Variants in MYO1E observed in about 807,000 individuals in gnomAD.
The protein encoded by MYO1E is unconventional myosin-Ie.
In MYO1E, 68 loss-of-function variants were observed where a neutral mutation model predicts 151.1. That is an observed-to-expected ratio of 0.45 (90% confidence interval 0.37 to 0.55). MYO1E has a LOEUF of 0.55. Ranked by LOEUF, MYO1E falls within the 20% of genes least tolerant of loss-of-function variation. The pLI is 0.00. For missense variants in MYO1E, 1,363 were observed against 1,389.3 expected, an observed-to-expected ratio of 0.98 and a Z score of 0.30; for synonymous variants, 601 against 501.7, an observed-to-expected ratio of 1.20 and a Z score of -2.64.
Position 59,231,711 on chromosome 15 carries a change from G to A in MYO1E, c.501C>T (p.Ser167=), listed in dbSNP as rs1281453686. The stretch of plus-strand genomic sequence containing the variant: ...CAGGGAAGGGACTTACAAATCGGCT[G>A]GAGTTGTTGTTCCGGACGGTCTTGG... ...GNAKTVRNNN[S]SRFGKYFEIQ... The change falls in exon 6 of 28, where the codon TCC becomes TCT. Residue 167 remains serine (S), a synonymous_variant. Transcript: ENST00000288235. The A allele has an allele frequency of 6.2e-6, 10 of 1,613,970 alleles. No homozygotes were observed. The highest frequency in any genetic ancestry group is 2.7e-5 in the African/African-American group (2 of 74,922).
chr15:59,343,217 T>C (rs2080775386), intron 1 of MYO1E, among the ~76,000 whole-genome samples: 1 of 152,144 alleles, frequency 6.6e-6, no homozygotes, highest in African/African-American at 2.4e-5. Flanking sequence ...TCCCTCAGCT[T>C]TTGTTTGTCT....
chr15:59,208,653 T>TA, intron 14 of MYO1E, 28 bp downstream of exon 14: 1 of 1,613,716 alleles, frequency 6.2e-7, no homozygotes. Flanking sequence ...TTAAAACAGA[T>TA]AGACATTAAA....
intron 2 of MYO1E, among the ~76,000 whole-genome samples, chr15:59,262,545 T>C (rs1319636872): frequency 6.6e-6 from 1 of 151,792 alleles, no homozygotes; most frequent in Non-Finnish European, 1.5e-5. Context: ...GGAGGATTGC[T>C]TGAGGCCAGG....
intron 17 of MYO1E, among the ~76,000 whole-genome samples, chr15:59,193,079 G>GCTCTAGATCCCAGTCTAGTTCTTTC (rs1482692848): frequency 6.6e-6 from 1 of 152,198 alleles, no homozygotes. Context: ...CTAGTTCTTT[G>GCTCTAGATCCCAGTCTAGTTCTTTC]CTCTAGATCA....
chr15:59,341,716 G>T (rs1057510109), intron 1 of MYO1E, among the ~76,000 whole-genome samples: 3 of 152,056 alleles, frequency 2.0e-5, no homozygotes, highest in Admixed American at 2.0e-4. Context: ...GTACTCTGTT[G>T]TGTATCTGTA....
At chr15:59,331,773 T>C (rs1467328792) in intron 1 of MYO1E, among the ~76,000 whole-genome samples, 6 of 152,238 alleles carry the variant, frequency 3.9e-5, no homozygotes, top group African/African-American at 1.4e-4. Context: ...GTCAGTCATT[T>C]TCACCTTGAT....
At position 59,135,124 on chromosome 15, in the gene MYO1E, A is replaced by C. The variant is rs1221634940; in HGVS notation, c.*2256T>G. 1.3e-5 allele frequency: 2 copies of C among 152,122 alleles called. No individual in the cohort carries two copies. Among genetic ancestry groups the C allele is most frequent in the Non-Finnish European group, 2.9e-5 (2 of 68,038 alleles). The allele number at this position is 152,122 out of a possible 1,614,324, so 9.4% of individuals were successfully genotyped here. ...CTGTGGGTCACTTACCTATTTCAGC[A>C]CCATTTGTTGGGCATCTCCTTGAGC... On this transcript the variant is annotated 3_prime_UTR_variant, in exon 28 of 28. Coordinates refer to ENST00000288235, the MANE Select transcript of MYO1E (RefSeq NM_004998.4).
chr15:59,139,763 C>T (rs1328281080), intron 26 of MYO1E, among the ~76,000 whole-genome samples: 2 of 151,424 alleles, frequency 1.3e-5, no homozygotes, highest in Non-Finnish European at 2.9e-5. Flanking sequence ...CCTCCCGTCC[C>T]TCATTATTAC....
intron 12 of MYO1E, chr15:59,212,851 G>C (rs1303456797): frequency 6.6e-6 from 1 of 152,154 alleles, no homozygotes; most frequent in African/African-American, 2.4e-5. Flanking sequence ...CATTGAAAAA[G>C]GCTACGTGAA....
Position 59,297,437 on chromosome 15 carries a change from A to ATTTTTTTTTTTTTTT in MYO1E, c.4-25003_4-24989dup, listed in dbSNP as rs755470049. 4.2e-3 allele frequency among the ~76,000 whole-genome samples: 264 copies of ATTTTTTTTTTTTTTT among 63,468 alleles called. 42 individuals carry two copies. The highest frequency in any genetic ancestry group is 8.2e-3 in the East Asian group (19 of 2,304). 41.6% of individuals were successfully genotyped at this position (63,468 alleles called of 152,430 possible). Reference sequence around the variant, plus strand: ...AGGTACGCACCACCACACCCAGCTAATTTTTTTTTTTTTTTTTTTTTTTTA... The same window carrying ATTTTTTTTTTTTTTT: ...AGGTACGCACCACCACACCCAGCTAATTTTTTTTTTTTTTTTTTTTTTTTTTTTTTTTTTTTTTTA... On this transcript the variant is annotated intron_variant, in intron 1 of 27. Transcript: ENST00000288235.
chr15:59,318,268 G>A (rs1243505164), intron 1 of MYO1E, among the ~76,000 whole-genome samples: 1 of 152,156 alleles, frequency 6.6e-6, no homozygotes, highest in African/African-American at 2.4e-5. Flanking sequence ...GGCAGACATG[G>A]AGGTCCCATC....
intron 1 of MYO1E, among the ~76,000 whole-genome samples, chr15:59,316,436 CA>C (rs1191643405): frequency 6.6e-6 from 1 of 151,882 alleles, no homozygotes; most frequent in Non-Finnish European, 1.5e-5. Flanking sequence ...CCAAGTCTGC[CA>C]AAAAAATTTG....
At chr15:59,300,938 G>A (rs2080479239) in intron 1 of MYO1E, among the ~76,000 whole-genome samples, 2 of 144,318 alleles carry the variant, frequency 1.4e-5, no homozygotes. Context: ...CACCATGCCA[G>A]CTCATTGCAA....
chr15:59,206,923 C>T (rs1465529864), intron 14 of MYO1E: 1 of 1,602,402 alleles, frequency 6.2e-7, no homozygotes, highest in Admixed American at 1.7e-5. Flanking sequence ...TCTCTCTCCA[C>T]TTCTTCAGTG....
chr15:59,254,796 T>C (rs1230382454), intron 4 of MYO1E, among the ~76,000 whole-genome samples: 1 of 152,148 alleles, frequency 6.6e-6, no homozygotes, highest in Non-Finnish European at 1.5e-5. Context: ...TTATACTTTC[T>C]AGTGTTTGAA....
chr15:59,231,836 A>T, intron 5 of MYO1E, 45 bp from the exon 6 acceptor site: 1 of 1,583,646 alleles, frequency 6.3e-7, no homozygotes, highest in Non-Finnish European at 8.7e-7. Flanking sequence ...GTGAACACCT[A>T]CCACACAGTG....
chr15:59,206,725 A>G, intron 14 of MYO1E: 1 of 553,462 alleles, frequency 1.8e-6, no homozygotes, highest in Non-Finnish European at 3.2e-6. Flanking sequence ...CACTTGCTAG[A>G]GAAGCAGCCC....
At chr15:59,364,823 T>A in intron 1 of MYO1E, among the ~76,000 whole-genome samples, 1 of 151,816 alleles carries the variant, frequency 6.6e-6, no homozygotes, top group Non-Finnish European at 1.5e-5. Context: ...GAGAATCGCT[T>A]GAAACTGGGA....
At chr15:59,351,583 G>A (rs1251245209) in intron 1 of MYO1E, among the ~76,000 whole-genome samples, 1 of 152,212 alleles carries the variant, frequency 6.6e-6, no homozygotes, top group African/African-American at 2.4e-5. Context: ...ACTAGAAGAT[G>A]ATTGCGCTGA....
Sources: allele counts gnomAD v4.1 joint callset (sites outside exome capture counted in the v4.1 genomes callset), GRCh38; gene constraint gnomAD v4.1.1; transcripts MANE v1.5; gene names NCBI Gene and HGNC (gene_info 2026-07-23, HGNC 2026-07-21).